CSTPP1: variants seen among roughly 807,000 people sequenced by gnomAD.
The protein encoded by CSTPP1 is UPF0705 protein C11orf49.
the CSTPP1 span, among the ~76,000 whole-genome samples, chr11:47,145,703 C>T: frequency 6.6e-6 from 1 of 152,188 alleles, no homozygotes; most frequent in African/African-American, 2.4e-5. Context: ...GCATTCATAG[C>T]TCACTACAGC....
the CSTPP1 span, among the ~76,000 whole-genome samples, chr11:47,131,466 G>A: frequency 0.022 from 3,332 of 152,278 alleles, 75 homozygotes; most frequent in South Asian, 0.12. Flanking sequence ...GTTAGCCCTT[G>A]AATATATTGG....
the CSTPP1 span, among the ~76,000 whole-genome samples, chr11:46,945,067 G>C: frequency 6.6e-6 from 1 of 152,106 alleles, no homozygotes; most frequent in African/African-American, 2.4e-5. Flanking sequence ...TTACTTGTCT[G>C]ACTTCCAGAC....
At chr11:47,041,719 C>T in the CSTPP1 span, 1 of 525,068 alleles carries the variant, frequency 1.9e-6, no homozygotes, top group Non-Finnish European at 3.9e-6. Context: ...GTTGTCAGAG[C>T]CTTTGACCTT....
At chr11:47,018,044 G>C in the CSTPP1 span, among the ~76,000 whole-genome samples, 1 of 152,098 alleles carries the variant, frequency 6.6e-6, no homozygotes, top group Admixed American at 6.5e-5. Flanking sequence ...ATTCCTCCAG[G>C]TTGTGGCATG....
At chr11:47,026,438 TTA>T in the CSTPP1 span, among the ~76,000 whole-genome samples, 4 of 152,082 alleles carry the variant, frequency 2.6e-5, no homozygotes, top group African/African-American at 9.7e-5. Context: ...GTAATTGTTG[TTA>T]TTTTTTTTTA....
chr11:47,042,386 G>A, the CSTPP1 span, among the ~76,000 whole-genome samples: 11 of 146,726 alleles, frequency 7.5e-5, no homozygotes, highest in East Asian at 2.0e-4. Flanking sequence ...GTAAACAAGC[G>A]TCACGTCTAT....
the CSTPP1 span, among the ~76,000 whole-genome samples, chr11:47,064,728 G>C: frequency 6.6e-6 from 1 of 151,816 alleles, no homozygotes; most frequent in Non-Finnish European, 1.5e-5. Flanking sequence ...GGGTTTTTTT[G>C]TTTTGTTTGT....
the CSTPP1 span, among the ~76,000 whole-genome samples, chr11:46,945,915 T>TGGTCAGCAGCTTCTCAGTCA: frequency 2.0e-5 from 3 of 152,214 alleles, no homozygotes; most frequent in Admixed American, 6.5e-5. Context: ...TTTCTCAGTT[T>TGGTCAGCAGCTTCTCAGTCA]GGTCAGCAGC....
the CSTPP1 span, among the ~76,000 whole-genome samples, chr11:47,146,944 G>A: frequency 3.9e-5 from 6 of 152,150 alleles, no homozygotes; most frequent in African/African-American, 1.2e-4. Flanking sequence ...GCTATATAAT[G>A]TTTTAAGAAC....
the CSTPP1 span, among the ~76,000 whole-genome samples, chr11:47,042,201 AAAAAAAT>A: frequency 6.6e-6 from 1 of 152,044 alleles, no homozygotes; most frequent in Non-Finnish European, 1.5e-5. Context: ...GTCCCTGTCC[AAAAAAAT>A]AAAAAATAAA....
the CSTPP1 span, among the ~76,000 whole-genome samples, chr11:46,938,316 TTATAA>T: frequency 6.8e-6 from 1 of 148,124 alleles, no homozygotes; most frequent in Non-Finnish European, 1.5e-5. Flanking sequence ...ACATATATAT[TTATAA>T]TATATAATAA....
chr11:46,981,684 G>A, the CSTPP1 span, among the ~76,000 whole-genome samples: 1 of 152,020 alleles, frequency 6.6e-6, no homozygotes, highest in East Asian at 1.9e-4. Flanking sequence ...GGGCTTTGGA[G>A]TCAAATCTAA....
the CSTPP1 span, among the ~76,000 whole-genome samples, chr11:47,049,844 A>G: frequency 2.6e-5 from 4 of 151,940 alleles, no homozygotes; most frequent in Admixed American, 1.3e-4. Flanking sequence ...TAGCTTCCAA[A>G]CTAACAGGGA....
At chr11:47,074,182 C>T in the CSTPP1 span, among the ~76,000 whole-genome samples, 2 of 151,974 alleles carry the variant, frequency 1.3e-5, no homozygotes, top group Non-Finnish European at 2.9e-5. Context: ...CCAGCCTGGG[C>T]AACAGTCTCA....
chr11:46,938,452 A>G, the CSTPP1 span, among the ~76,000 whole-genome samples: 1 of 150,976 alleles, frequency 6.6e-6, no homozygotes, highest in Non-Finnish European at 1.5e-5. Context: ...TGATAAATGC[A>G]TGTCATGTAT....
chr11:47,149,199 G>T, the CSTPP1 span, among the ~76,000 whole-genome samples: 1 of 152,330 alleles, frequency 6.6e-6, no homozygotes, highest in South Asian at 2.1e-4. Context: ...TTCTCCCCAA[G>T]AGTCCCTCTC....
the CSTPP1 span, among the ~76,000 whole-genome samples, chr11:46,966,558 C>T: frequency 6.6e-6 from 1 of 151,876 alleles, no homozygotes; most frequent in Admixed American, 6.6e-5. Context: ...GCCAAATACC[C>T]AAGTCTGAAC....
the CSTPP1 span, among the ~76,000 whole-genome samples, chr11:47,156,486 CTG>C: frequency 1.3e-5 from 2 of 152,276 alleles, no homozygotes; most frequent in Non-Finnish European, 2.9e-5. Flanking sequence ...CAGGCTTTCT[CTG>C]TTCCTCGCTG....
chr11:47,052,462 G>T, the CSTPP1 span: 1 of 1,614,002 alleles, frequency 6.2e-7, no homozygotes, highest in Non-Finnish European at 8.5e-7. Flanking sequence ...CCCCACAATA[G>T]GGTATCATTT....
Sources: gnomAD v4.1 joint callset for allele counts (sites outside exome capture counted in the v4.1 genomes callset) on GRCh38, gnomAD v4.1.1 for gene constraint, MANE v1.5 for transcripts, NCBI Gene and HGNC (gene_info 2026-07-23, HGNC 2026-07-21) for gene names.